Variants in CD101 observed in about 807,000 individuals in gnomAD.
CD101 encodes the protein CD101 molecule, also known as immunoglobulin superfamily member 2.
In CD101, 76 loss-of-function variants were observed where a neutral mutation model predicts 98.2. The ratio of observed to expected loss-of-function variants is 0.77; its 90% CI spans 0.64 to 0.94. The LOEUF is 0.94. Ranked by LOEUF, CD101 falls within the 40% of genes least tolerant of loss-of-function variation. CD101 has a pLI of 0.00. For synonymous variants in CD101, 471 were observed against 472.7 expected (o/e 1.00, Z 0.05); for missense variants, 1,145 against 1,218.8 (o/e 0.94, Z 0.90).
intron 7 of CD101, among the ~76,000 whole-genome samples, chr1:117,024,960 G>A (rs976836894): frequency 2.0e-5 from 3 of 152,186 alleles, no homozygotes; most frequent in African/African-American, 7.2e-5. Context: ...TTCAATGGCA[G>A]GGTCCAGCAG....
intron 4 of CD101, among the ~76,000 whole-genome samples, chr1:117,015,304 A>T (rs1456863671): frequency 1.3e-5 from 2 of 152,170 alleles, no homozygotes; most frequent in Non-Finnish European, 2.9e-5. Flanking sequence ...TAAGTTTATT[A>T]CTTCTTACCA....
intron 4 of CD101, 70 bp from the exon 5 acceptor site, chr1:117,017,020 T>G: frequency 6.6e-7 from 1 of 1,506,496 alleles, no homozygotes; most frequent in Non-Finnish European, 9.0e-7. Context: ...TTAATGAAAT[T>G]TCACTGTATT....
At chr1:117,029,341 G>A (rs547604524) in intron 8 of CD101, among the ~76,000 whole-genome samples, 1 of 152,270 alleles carries the variant, frequency 6.6e-6, no homozygotes, top group East Asian at 1.9e-4. Context: ...AGGAATGAAG[G>A]AAGGAAGAAA....
Position 117,010,355 on chromosome 1 carries a change from C to T in CD101, c.424+125C>T. Reference sequence around the variant, plus strand: ...TTCTTTGGGAAAAGAGCCCATGTACCCCTGTGGATATTTTGGAGATATGTC... The same window carrying T: ...TTCTTTGGGAAAAGAGCCCATGTACTCCTGTGGATATTTTGGAGATATGTC... On this transcript the variant is annotated intron_variant, in intron 2 of 9. Transcript: ENST00000682167. The surrounding 1 kb of genome is among the most constrained non-coding windows in gnomAD (Gnocchi z 5.2). The T allele has an allele frequency of 2.0e-6, 2 of 981,158 alleles. No individual in the cohort carries two copies. The highest frequency in any genetic ancestry group is 1.8e-5 in the South Asian group (1 of 56,972). 60.8% of individuals were successfully genotyped at this position (981,158 alleles called of 1,614,324 possible).
rs1003013918 is a variant in CD101, at chr1:117,023,385, C to T, written c.2428+1402C>T. On this transcript the variant is annotated intron_variant, in intron 7 of 9. Transcript: ENST00000682167. This position sits in a 1 kb window ranked among gnomAD's most constrained non-coding sequence, Gnocchi z 4.4. ...CCTAAAATCTTTTTTGGTGACATCTCCCAGTTTGAGAATGTCCACAACTAA... is the reference window on the plus strand; with the variant it reads ...CCTAAAATCTTTTTTGGTGACATCTTCCAGTTTGAGAATGTCCACAACTAA... Among the ~76,000 whole-genome samples the T allele has an allele frequency of 1.3e-5, 2 of 152,080 alleles. No homozygotes were observed. The highest frequency in any genetic ancestry group is 2.9e-5 in the Non-Finnish European group (2 of 68,024).
Position 117,009,853 on chromosome 1 carries a change from A to AGC in CD101, c.48_49dup (p.Leu17ArgfsTer9). On this transcript the variant is annotated frameshift_variant, in exon 2 of 10. Transcript: ENST00000682167. LOFTEE classifies it high-confidence loss of function. Reference sequence around the variant, plus strand: ...CTTTCTTTCTCCTACTTACAAGCTAAGCTCAGCATTGGCCAGAGAGAAGTA... The same window carrying AGC: ...CTTTCTTTCTCCTACTTACAAGCTAAGCGCTCAGCATTGGCCAGAGAGAAGTA... 1 of 1,591,864 alleles carries AGC rather than the reference A, an allele frequency of 6.3e-7. No individual in the cohort carries two copies. The highest frequency in any genetic ancestry group is 1.1e-5 in the South Asian group (1 of 90,344).
chr1:117,015,292 C>A (rs1007221793), intron 4 of CD101, among the ~76,000 whole-genome samples: 5 of 152,016 alleles, frequency 3.3e-5, no homozygotes, highest in Non-Finnish European at 7.4e-5. Flanking sequence ...GCACACATTT[C>A]ATAAGTTTAT....
At chr1:117,029,680 C>T (rs768089377) in intron 8 of CD101, among the ~76,000 whole-genome samples, 2 of 152,218 alleles carry the variant, frequency 1.3e-5, no homozygotes, top group Non-Finnish European at 2.9e-5. Context: ...CTGTTGAGTA[C>T]CAGGTCTATG....
rs769713088 is a variant in CD101, at chr1:117,013,423, AACATT to A, written c.863_867del (p.Ile288SerfsTer2). On this transcript the variant is annotated frameshift_variant, in exon 4 of 10. Coordinates refer to ENST00000682167, the MANE Select transcript of CD101 (RefSeq NM_001256106.3). LOFTEE classifies it high-confidence loss of function. ...TTTCCCAGTGAAAGATTTTCAAGTCAACATTACAGCTGACAGCTTGTTTGCTGAAG... is the reference window on the plus strand; with the variant it reads ...TTTCCCAGTGAAAGATTTTCAAGTCAACAGCTGACAGCTTGTTTGCTGAAG... 19 of 1,605,974 alleles carry A rather than the reference AACATT, an allele frequency of 1.2e-5. No homozygotes were observed. Among genetic ancestry groups the A allele is most frequent in the Middle Eastern group, 3.3e-4 (2 of 6,042 alleles).
rs548356929 is a variant in CD101 at position 117,030,404 on chromosome 1, A to G, written c.2825-3456A>G. On this transcript the variant is annotated intron_variant, in intron 8 of 9. Coordinates refer to ENST00000682167, the MANE Select transcript of CD101 (RefSeq NM_001256106.3). Reference sequence around the variant, plus strand: ...AAAACAAACAAACAAACAAACAAACAAAGAGAGAGAGAGAGAAAGAGACAG... The same window carrying G: ...AAAACAAACAAACAAACAAACAAACGAAGAGAGAGAGAGAGAAAGAGACAG... Among the ~76,000 whole-genome samples the G allele has an allele frequency of 1.2e-4, 18 of 149,758 alleles. No individual in the cohort carries two copies. The South Asian group carries it at 3.3e-3, about 28-fold the overall frequency.
intron 8 of CD101, among the ~76,000 whole-genome samples, chr1:117,028,767 G>T (rs1287113123): frequency 6.6e-6 from 1 of 152,124 alleles, no homozygotes; most frequent in African/African-American, 2.4e-5. Context: ...TAAGATAACA[G>T]TGGGAAAGTA....
At chr1:117,024,745 C>T (rs1653796722) in intron 7 of CD101, among the ~76,000 whole-genome samples, 3 of 152,242 alleles carry the variant, frequency 2.0e-5, no homozygotes, top group South Asian at 2.1e-4. Flanking sequence ...TCTTGGATGG[C>T]GTCCTCTCTC....
Position 117,018,028 on chromosome 1 carries a change from TA to T in CD101, c.1613-124del. The T allele has an allele frequency of 1.1e-6, 1 of 920,036 alleles. No individual in the cohort carries two copies. Among genetic ancestry groups the T allele is most frequent in the South Asian group, 1.9e-5 (1 of 53,804 alleles). The allele number at this position is 920,036 out of a possible 1,614,324, so 57.0% of individuals were successfully genotyped here. On this transcript the variant is annotated intron_variant, in intron 5 of 9. Transcript: ENST00000682167. The surrounding 1 kb of genome is among the most constrained non-coding windows in gnomAD (Gnocchi z 4.3). ...GTACTGGGAATCAATTTCTACTCTATAAAATAGGAAACTCCAAATGTACAAA... is the reference window on the plus strand; with the variant it reads ...GTACTGGGAATCAATTTCTACTCTATAAATAGGAAACTCCAAATGTACAAA...
intron 1 of CD101, among the ~76,000 whole-genome samples, chr1:117,002,998 T>C (rs1047559916): frequency 6.6e-6 from 1 of 152,168 alleles, no homozygotes; most frequent in African/African-American, 2.4e-5. Flanking sequence ...GCTTTATAGC[T>C]GGGCATGGTG....
chr1:117,018,310 C>G lies in CD101; in HGVS notation c.1767C>G (p.Phe589Leu), dbSNP rs1182614287. The G allele has an allele frequency of 6.2e-7, 1 of 1,614,040 alleles. No individual in the cohort carries two copies. Among genetic ancestry groups the G allele is most frequent in the Admixed American group, 1.7e-5 (1 of 59,974 alleles). Residue 589 changes from phenylalanine (F) to leucine (L), a missense_variant, in exon 6 of 10, where the codon TTC becomes TTG. By Grantham distance (22) the Phe-to-Leu change is conservative (BLOSUM62 0). Coordinates refer to ENST00000682167, the MANE Select transcript of CD101 (RefSeq NM_001256106.3). The surrounding 1 kb of genome is among the most constrained non-coding windows in gnomAD (Gnocchi z 4.3). ...WQFQPASSHIFHQLIRITHNG... is the reference protein window; with the variant it reads ...WQFQPASSHILHQLIRITHNG... The stretch of plus-strand genomic sequence containing the variant: ...TCCAGCCAGCTAGCTCTCACATCTT[C>G]CACCAGCTTATTCGAATCACCCACA...
chr1:117,003,249 G>A (rs553145980), intron 1 of CD101, among the ~76,000 whole-genome samples: 2 of 152,374 alleles, frequency 1.3e-5, no homozygotes, highest in East Asian at 1.9e-4. Flanking sequence ...GCTGCATTTG[G>A]TGTGACCAGG....
intron 4 of CD101, among the ~76,000 whole-genome samples, chr1:117,014,442 C>T (rs1653086415): frequency 6.6e-6 from 1 of 152,122 alleles, no homozygotes; most frequent in Non-Finnish European, 1.5e-5. Context: ...AGACTCCATC[C>T]TCTGCATTTT....
Position 117,033,377 on chromosome 1 carries a change from T to G in CD101, c.2825-483T>G, listed in dbSNP as rs1456146589. Among the ~76,000 whole-genome samples the G allele has an allele frequency of 6.6e-6, 1 of 151,872 alleles. No individual in the cohort carries two copies. Among genetic ancestry groups the G allele is most frequent in the East Asian group, 1.9e-4 (1 of 5,172 alleles). ...GGCTTCTTATTGTGGGTGTGATTGT[T>G]TTATAAGGACAGTGCAGAGTGCAGG... On this transcript the variant is annotated intron_variant, in intron 8 of 9. Transcript: ENST00000682167. This position sits in a 1 kb window ranked among gnomAD's most constrained non-coding sequence, Gnocchi z 4.8.
intron 1 of CD101, among the ~76,000 whole-genome samples, chr1:117,003,921 T>C (rs927131572): frequency 2.6e-5 from 4 of 152,224 alleles, no homozygotes; most frequent in African/African-American, 9.7e-5. Flanking sequence ...TGAAATAAAT[T>C]ATTTAAATAA....
Sources: gnomAD v4.1 joint callset for allele counts (sites outside exome capture counted in the v4.1 genomes callset) on GRCh38, gnomAD v4.1.1 for gene constraint, Gnocchi (gnomAD v3.1) non-coding constraint, MANE v1.5 for transcripts, NCBI Gene and HGNC (gene_info 2026-07-23, HGNC 2026-07-21) for gene names.